The following RAB3C variants were observed in gnomAD, a reference collection of about 807,000 sequenced individuals.
RAB3C encodes the protein RAB3C, member RAS oncogene family.
Under a neutral mutation model 26.4 loss-of-function variants are expected in RAB3C, and 17 were observed. The observed-to-expected ratio is 0.64, with a 90% CI of 0.44 to 0.97. The LOEUF is 0.97. Ranked by LOEUF, RAB3C falls within the 50% of genes least tolerant of loss-of-function variation. The pLI is 0.00. For missense variants in RAB3C, 242 were observed against 281.9 expected (o/e 0.86, Z 1.01); for synonymous variants, 91 against 95.9 (o/e 0.95, Z 0.30).
At chr5:58,657,981 G>T (rs572501261) in intron 2 of RAB3C, among the ~76,000 whole-genome samples, 1 of 152,122 alleles carries the variant, frequency 6.6e-6, no homozygotes, top group African/African-American at 2.4e-5. Context: ...AATTAGCTAC[G>T]TTTTTATCTC....
chr5:58,795,111 C>G (rs1436734836), intron 3 of RAB3C, among the ~76,000 whole-genome samples: 1 of 152,236 alleles, frequency 6.6e-6, no homozygotes, highest in African/African-American at 2.4e-5. Context: ...GTGAGTAAGT[C>G]TCCTGAGATC....
intron 2 of RAB3C, among the ~76,000 whole-genome samples, chr5:58,671,419 T>C (rs1029192777): frequency 1.3e-5 from 2 of 152,210 alleles, no homozygotes; most frequent in African/African-American, 4.8e-5. Context: ...ATGACTCTAC[T>C]GTTGAAGCAA....
At chr5:58,624,692 A>G (rs1380204614) in intron 2 of RAB3C, among the ~76,000 whole-genome samples, 1 of 152,216 alleles carries the variant, frequency 6.6e-6, no homozygotes, top group East Asian at 1.9e-4. Flanking sequence ...ATTGACAACT[A>G]GTACCAAAGA....
chr5:58,761,704 A>C (rs149878843), intron 3 of RAB3C, among the ~76,000 whole-genome samples: 2 of 152,272 alleles, frequency 1.3e-5, no homozygotes, highest in African/African-American at 2.4e-5. Flanking sequence ...GGTACAACAA[A>C]ACCAAATAAA....
intron 4 of RAB3C, among the ~76,000 whole-genome samples, chr5:58,829,194 C>G (rs1743558663): frequency 6.6e-6 from 1 of 152,020 alleles, no homozygotes; most frequent in Admixed American, 6.6e-5. Context: ...TGAGCCATGG[C>G]ACCCGGCCTC....
rs2111653982 is a variant in RAB3C at position 58,589,302 on chromosome 5, G to T, written c.24+6070G>T. Among the ~76,000 whole-genome samples the T allele has an allele frequency of 2.0e-5, 3 of 152,058 alleles. 1 individual carries two copies. The South Asian group carries it at 6.3e-4, about 32-fold the overall frequency. The stretch of plus-strand genomic sequence containing the variant: ...TATATTGTCCTTTCTATATATAGCT[G>T]GATTAAGCTTGATTATATTTTGTTA... On this transcript the variant is annotated intron_variant, in intron 1 of 4. Coordinates refer to ENST00000282878, the MANE Select transcript of RAB3C (RefSeq NM_138453.4).
chr5:58,777,848 G>C lies in RAB3C; in HGVS notation c.372-47190G>C, dbSNP rs911456119. Among the ~76,000 whole-genome samples the C allele has an allele frequency of 9.2e-5, 14 of 151,780 alleles. 1 individual carries two copies. The highest frequency in any genetic ancestry group is 2.7e-4 in the African/African-American group (11 of 41,364). ...CTCTAAGTGAGAACATGTGGTGTTTGGTTTTTTGTCCTTGCGATAGTTTTC... is the reference window on the plus strand; with the variant it reads ...CTCTAAGTGAGAACATGTGGTGTTTCGTTTTTTGTCCTTGCGATAGTTTTC... On this transcript the variant is annotated intron_variant, in intron 3 of 4. Transcript: ENST00000282878.
At chr5:58,825,495 A>G (rs1743455376) in intron 4 of RAB3C, among the ~76,000 whole-genome samples, 2 of 152,116 alleles carry the variant, frequency 1.3e-5, no homozygotes, top group South Asian at 4.1e-4. Flanking sequence ...GCATTCAGTG[A>G]GCTCTTTATT....
chr5:58,837,808 C>T (rs1156717629), intron 4 of RAB3C, among the ~76,000 whole-genome samples: 3 of 152,054 alleles, frequency 2.0e-5, no homozygotes, highest in African/African-American at 7.2e-5. Flanking sequence ...ATCCACCCAC[C>T]TTGGCTTCCC....
rs1467987248 is a variant in RAB3C at position 58,835,646 on chromosome 5, C to CA, written c.496+10485dup. 2.6e-4 allele frequency among the ~76,000 whole-genome samples: 39 copies of CA among 152,126 alleles called. 1 individual carries two copies. Among genetic ancestry groups the CA allele is most frequent in the Admixed American group, 2.6e-3 (39 of 15,272 alleles). ...TTTCTCATTCACACAAACTTGCAAA[C>CA]ACATTTGGTGAAATGTTTAAAAATT... On this transcript the variant is annotated intron_variant, in intron 4 of 4. Transcript: ENST00000282878.
chr5:58,809,556 A>C (rs2112037436), intron 3 of RAB3C, among the ~76,000 whole-genome samples: 1 of 152,332 alleles, frequency 6.6e-6, no homozygotes, highest in African/African-American at 2.4e-5. Context: ...TTGAAACTTG[A>C]AAATGAATGC....
chr5:58,732,218 C>T lies in RAB3C; in HGVS notation c.371+6098C>T, dbSNP rs958373740. ...GCTTAAGAAAATCCAAAGGGTCAAA[C>T]GGTTATTGTGCTTGAAATACAATTT... is the stretch of plus-strand genomic sequence containing the variant. On this transcript the variant is annotated intron_variant, in intron 3 of 4. Coordinates refer to ENST00000282878, the MANE Select transcript of RAB3C (RefSeq NM_138453.4). Among the ~76,000 whole-genome samples, 9 of 150,980 alleles carry T rather than the reference C, an allele frequency of 6.0e-5. No homozygotes were observed. The East Asian group carries it at 9.7e-4, about 16-fold the overall frequency.
intron 3 of RAB3C, among the ~76,000 whole-genome samples, chr5:58,820,503 A>T (rs975364066): frequency 6.6e-6 from 1 of 152,204 alleles, no homozygotes; most frequent in African/African-American, 2.4e-5. Context: ...AACATTGAAC[A>T]TTTGCAACCC....
intron 3 of RAB3C, 67 bp downstream of exon 3, chr5:58,726,187 C>A: frequency 1.3e-6 from 1 of 791,686 alleles, no homozygotes. Flanking sequence ...TCTTTCTTCC[C>A]AAAGCAGTGA....
At chr5:58,786,869 C>T (rs1742399142) in intron 3 of RAB3C, among the ~76,000 whole-genome samples, 1 of 152,032 alleles carries the variant, frequency 6.6e-6, no homozygotes, top group South Asian at 2.1e-4. Context: ...AGGAAAGTTC[C>T]TACTGCGGTA....
chr5:58,693,322 T>TTTTATATATATATATATATA (rs1748610571), intron 2 of RAB3C, among the ~76,000 whole-genome samples: 5 of 75,228 alleles, frequency 6.6e-5, no homozygotes, highest in African/African-American at 3.3e-4. Context: ...AATTAAGAAA[T>TTTTATATATATATATATATA]TATATATATA....
At chr5:58,734,113 A>C (rs967196158) in intron 3 of RAB3C, among the ~76,000 whole-genome samples, 2 of 152,206 alleles carry the variant, frequency 1.3e-5, no homozygotes, top group Admixed American at 1.3e-4. Flanking sequence ...TCTTCCTATC[A>C]GTTTTAAATA....
chr5:58,609,908 T>C (rs893671690), intron 1 of RAB3C, among the ~76,000 whole-genome samples: 6 of 152,090 alleles, frequency 3.9e-5, no homozygotes, highest in African/African-American at 7.2e-5. Context: ...TTCAGCTTGA[T>C]GGTGAGTTGT....
intron 4 of RAB3C, among the ~76,000 whole-genome samples, chr5:58,840,802 T>C (rs1305365499): frequency 6.6e-6 from 1 of 152,052 alleles, no homozygotes; most frequent in Non-Finnish European, 1.5e-5. Flanking sequence ...AGGATTGGGG[T>C]TGCTGGGCTG....
Sources: allele counts gnomAD v4.1 joint callset (sites outside exome capture counted in the v4.1 genomes callset), GRCh38; gene constraint gnomAD v4.1.1; transcripts MANE v1.5; gene names NCBI Gene and HGNC (gene_info 2026-07-23, HGNC 2026-07-21).